Variants in ADAMTS3 observed in about 807,000 individuals in gnomAD.
ADAMTS3 encodes A disintegrin and metalloproteinase with thrombospondin motifs 3.
Under a neutral mutation model 129.0 loss-of-function variants are expected in ADAMTS3, and 73 were observed. The observed-to-expected ratio is 0.57, with a 90% CI of 0.47 to 0.69. The LOEUF is 0.69. Among genes scored for constraint, ADAMTS3 ranks in the 30% least tolerant of loss-of-function variants. The pLI is 0.00. For synonymous variants in ADAMTS3, 477 were observed against 510.8 expected (o/e 0.93, Z 0.89); for missense variants, 1,457 against 1,514.5 (o/e 0.96, Z 0.63).
chr4:72,299,053 C>CTGTGTG (rs60439058), intron 17 of ADAMTS3, among the ~76,000 whole-genome samples: 2,450 of 138,100 alleles, frequency 0.018, 41 homozygotes, highest in African/African-American at 0.038. Context: ...TATTTGCATT[C>CTGTGTG]TGTGTGTGTG....
At chr4:72,460,191 A>G in intron 3 of ADAMTS3, among the ~76,000 whole-genome samples, 1 of 151,562 alleles carries the variant, frequency 6.6e-6, no homozygotes, top group East Asian at 1.9e-4. Flanking sequence ...AGATTTGTTC[A>G]TTCTAAATAA....
At chr4:72,494,236 C>T (rs1021628114) in intron 3 of ADAMTS3, among the ~76,000 whole-genome samples, 1 of 152,126 alleles carries the variant, frequency 6.6e-6, no homozygotes, top group South Asian at 2.1e-4. Context: ...GATGATGCAT[C>T]ATGAGTCTCA....
intron 2 of ADAMTS3, 133 bp from the exon 3 acceptor site, chr4:72,549,017 CATAA>C (rs1242484057): frequency 5.7e-6 from 4 of 696,688 alleles, no homozygotes; most frequent in Non-Finnish European, 8.7e-6. Context: ...TGAATCAGCT[CATAA>C]ATATTAAATT....
At chr4:72,372,955 C>A (rs938941872) in intron 4 of ADAMTS3, among the ~76,000 whole-genome samples, 3 of 152,058 alleles carry the variant, frequency 2.0e-5, no homozygotes, top group African/African-American at 7.2e-5. Context: ...ATACTAGAAT[C>A]CCCCACTTTA....
chr4:72,420,321 C>G (rs1722410615), intron 3 of ADAMTS3, among the ~76,000 whole-genome samples: 1 of 152,166 alleles, frequency 6.6e-6, no homozygotes, highest in South Asian at 2.1e-4. Flanking sequence ...TTCTTGAATA[C>G]TTAAGGGGTG....
At chr4:72,307,980 C>A (rs1719131899) in intron 15 of ADAMTS3, among the ~76,000 whole-genome samples, 1 of 151,776 alleles carries the variant, frequency 6.6e-6, no homozygotes, top group African/African-American at 2.4e-5. Context: ...AGTACCAATA[C>A]CTTATATTAT....
At chr4:72,377,531 G>C (rs1181253081) in intron 4 of ADAMTS3, among the ~76,000 whole-genome samples, 1 of 152,170 alleles carries the variant, frequency 6.6e-6, no homozygotes, top group Non-Finnish European at 1.5e-5. Context: ...GGCTAAAGGA[G>C]AGAAGACACA....
At chr4:72,382,204 T>C (rs1038754320) in intron 4 of ADAMTS3, among the ~76,000 whole-genome samples, 3 of 152,014 alleles carry the variant, frequency 2.0e-5, no homozygotes, top group Non-Finnish European at 2.9e-5. Flanking sequence ...ATGGCACACA[T>C]AGTTAATGAT....
chr4:72,492,718 T>C lies in ADAMTS3; in HGVS notation c.504+55760A>G, dbSNP rs576435449. 2.0e-5 allele frequency among the ~76,000 whole-genome samples: 3 copies of C among 151,982 alleles called. No individual in the cohort carries two copies. In the South Asian group the frequency reaches 6.2e-4, roughly 31 times the overall value. The stretch of plus-strand genomic sequence containing the variant: ...GTTCTGTATACATCAGATAGGACCC[T>C]TTAGCTCTCCAGTGTTGTTTGAGTC... On this transcript the variant is annotated intron_variant, in intron 3 of 21. Transcript: ENST00000286657.
Position 72,548,514 on chromosome 4 carries a change from T to C in ADAMTS3, c.468A>G (p.Pro156=). The C allele has an allele frequency of 1.2e-6, 2 of 1,613,898 alleles. No individual in the cohort carries two copies. The highest frequency in any genetic ancestry group is 1.7e-6 in the Non-Finnish European group (2 of 1,179,838). The change falls in exon 3 of 22, where the codon CCA becomes CCG. Residue 156 remains proline (P), a synonymous_variant. Transcript: ENST00000286657. ...CAYVGDIVDI[P]GTSVAISNCD... ...AGTTGCTGATGGCAACAGAGGTTCC[T>C]GGAATGTCCACGATGTCACCAACAT...
intron 5 of ADAMTS3, among the ~76,000 whole-genome samples, chr4:72,325,836 A>G (rs755780017): frequency 1.3e-5 from 2 of 152,134 alleles, no homozygotes; most frequent in African/African-American, 2.4e-5. Context: ...GATGGGAATA[A>G]TGACAAATAG....
chr4:72,429,824 T>C (rs952411837), intron 3 of ADAMTS3, among the ~76,000 whole-genome samples: 1 of 152,052 alleles, frequency 6.6e-6, no homozygotes, highest in Non-Finnish European at 1.5e-5. Flanking sequence ...ATTTTCCTTC[T>C]GCAGTTGGGT....
chr4:72,504,207 C>A (rs1337169499), intron 3 of ADAMTS3, among the ~76,000 whole-genome samples: 1 of 152,116 alleles, frequency 6.6e-6, no homozygotes, highest in Non-Finnish European at 1.5e-5. Flanking sequence ...ACATAAGTGT[C>A]TTTTTGTGGT....
chr4:72,521,089 C>G (rs1323022555), intron 3 of ADAMTS3, among the ~76,000 whole-genome samples: 2 of 151,938 alleles, frequency 1.3e-5, no homozygotes, highest in African/African-American at 4.8e-5. Flanking sequence ...CCTCCACCTC[C>G]CCGGTTCAAG....
intron 3 of ADAMTS3, among the ~76,000 whole-genome samples, chr4:72,429,003 CTT>C (rs2109943327): frequency 6.6e-6 from 1 of 152,162 alleles, no homozygotes. Context: ...ACCTCAGAGA[CTT>C]TTCCATGTTC....
intron 4 of ADAMTS3, among the ~76,000 whole-genome samples, chr4:72,365,679 T>C (rs1377919601): frequency 6.6e-6 from 1 of 152,158 alleles, no homozygotes; most frequent in East Asian, 1.9e-4. Flanking sequence ...CTTTATTTTC[T>C]AATATGGAAA....
intron 5 of ADAMTS3, among the ~76,000 whole-genome samples, chr4:72,324,011 A>G (rs1578582813): frequency 6.6e-6 from 1 of 152,262 alleles, no homozygotes; most frequent in Non-Finnish European, 1.5e-5. Flanking sequence ...AAAAAATGCT[A>G]GCAGGAAGGA....
At chr4:72,490,279 C>A (rs1719705741) in intron 3 of ADAMTS3, among the ~76,000 whole-genome samples, 1 of 151,926 alleles carries the variant, frequency 6.6e-6, no homozygotes, top group Non-Finnish European at 1.5e-5. Context: ...ATATTGTCTG[C>A]AAATATTTTC....
chr4:72,467,258 C>A (rs754999769), intron 3 of ADAMTS3, among the ~76,000 whole-genome samples: 7 of 151,980 alleles, frequency 4.6e-5, no homozygotes, highest in Non-Finnish European at 8.8e-5. Flanking sequence ...TTCTGTTAAT[C>A]CTATACTTAG....
Sources: allele counts gnomAD v4.1 joint callset (sites outside exome capture counted in the v4.1 genomes callset), GRCh38; gene constraint gnomAD v4.1.1; transcripts MANE v1.5; gene names NCBI Gene and HGNC (gene_info 2026-07-23, HGNC 2026-07-21).